Variants in FAT1 observed in about 807,000 individuals in gnomAD.
The protein encoded by FAT1 is FAT atypical cadherin 1.
Under a neutral mutation model 329.8 loss-of-function variants are expected in FAT1, and 171 were observed. The ratio of observed to expected loss-of-function variants is 0.52; its 90% CI spans 0.46 to 0.59. FAT1 has a LOEUF of 0.59. Among genes scored for constraint, FAT1 ranks in the 20% least tolerant of loss-of-function variants. The pLI is 0.00. For synonymous variants in FAT1, 2,233 were observed against 2,228.6 expected (o/e 1.00, Z -0.06); for missense variants, 5,672 against 5,774.4 (o/e 0.98, Z 0.57).
Position 186,663,565 on chromosome 4 carries a change from T to G in FAT1, c.3314A>C (p.Tyr1105Ser). The change falls in exon 3 of 27, where the codon TAT becomes TCT. Residue 1105 changes from tyrosine (Y) to serine (S), a missense_variant. Transcript: ENST00000441802. ...ATCGGTTGCAAAGACTGTTAGCCAA[T>G]AATGGGAGGTCGATTCACGGTCCAG... Reference protein sequence around the residue: ...DRLDRESTSHYWLTVFATDQG... With the variant: ...DRLDRESTSHSWLTVFATDQG... 1 of 1,612,654 alleles carries G rather than the reference T, an allele frequency of 6.2e-7. No homozygotes were observed. The highest frequency in any genetic ancestry group is 8.5e-7 in the Non-Finnish European group (1 of 1,179,876).
rs1248747763 is a variant in FAT1, at chr4:186,595,715, AAGG to A, written c.13109_13111del (p.Ser4370del). On this transcript the variant is annotated inframe_deletion, in exon 26 of 27. Transcript: ENST00000441802. ...ATTGTCATCGCACGATTCGGACTGG[AAGG>A]AGCTCAGAGACTGCACTTCAGACAG... The A allele has an allele frequency of 1.9e-6, 3 of 1,613,840 alleles. No homozygotes were observed. Among genetic ancestry groups the A allele is most frequent in the Non-Finnish European group, 2.5e-6 (3 of 1,179,888 alleles).
At chr4:186,683,760 G>A (rs572116173) in intron 2 of FAT1, among the ~76,000 whole-genome samples, 1 of 152,104 alleles carries the variant, frequency 6.6e-6, no homozygotes, top group African/African-American at 2.4e-5. Context: ...GACCCATCAA[G>A]GATCACCAGA....
intron 26 of FAT1, among the ~76,000 whole-genome samples, chr4:186,590,899 C>T (rs1323858687): frequency 6.6e-6 from 1 of 152,204 alleles, no homozygotes; most frequent in Admixed American, 6.5e-5. Flanking sequence ...GACAGATGTA[C>T]AAGCTGAAGA....
At chr4:186,678,296 C>T (rs1340653052) in intron 2 of FAT1, among the ~76,000 whole-genome samples, 3 of 151,700 alleles carry the variant, frequency 2.0e-5, no homozygotes, top group South Asian at 2.1e-4. Context: ...ATATACGTAT[C>T]GGAGAAGATA....
chr4:186,622,025 T>C (rs1740072559), intron 9 of FAT1, among the ~76,000 whole-genome samples: 3 of 152,332 alleles, frequency 2.0e-5, no homozygotes, highest in African/African-American at 7.2e-5. Context: ...ACTCTGCTCT[T>C]AGCGAAGCCA....
rs2126456424 is a variant in FAT1, at chr4:186,609,182, C to T, written c.10206+1G>A. On this transcript the variant is annotated splice_donor_variant, in intron 16 of 26. Transcript: ENST00000441802. LOFTEE classifies it high-confidence loss of function. The stretch of plus-strand genomic sequence containing the variant: ...AACGTAAATCAACCTTTTTCACTTA[C>T]CGTTTCTCGGTCGAGAAGTTTGGTC... The T allele has an allele frequency of 6.2e-7, 1 of 1,610,518 alleles. No homozygotes were observed. Among genetic ancestry groups the T allele is most frequent in the Non-Finnish European group, 8.5e-7 (1 of 1,178,858 alleles).
chr4:186,718,679 T>A (rs1745331130), intron 1 of FAT1, among the ~76,000 whole-genome samples: 1 of 152,006 alleles, frequency 6.6e-6, no homozygotes, highest in Admixed American at 6.6e-5. Flanking sequence ...AAAAATAAAA[T>A]AAAATAAAAT....
In FAT1 at chr4:186,611,392, T is replaced by C. The variant is rs1739434052; in HGVS notation, c.9847A>G (p.Lys3283Glu). Reference sequence around the variant, plus strand: ...CAGATACATGGTAGGTTACCTGTTTTAGAATCTATGCTGAATTTCCCATGT... The same window carrying C: ...CAGATACATGGTAGGTTACCTGTTTCAGAATCTATGCTGAATTTCCCATGT... ...NEHGKFSIDSKTGAVFIIENL... is the reference protein window; with the variant it reads ...NEHGKFSIDSETGAVFIIENL... The change falls in exon 14 of 27, where the codon AAA becomes GAA. Residue 3283 changes from lysine (K) to glutamate (E), a missense_variant. Around this residue, in one of 2 missense-constraint regions of FAT1, gnomAD observed 1,706 missense variants for 1,859.1 expected, o/e 0.92. Coordinates refer to ENST00000441802, the MANE Select transcript of FAT1 (RefSeq NM_005245.4). 6.2e-7 allele frequency: 1 copy of C among 1,608,522 alleles called. No homozygotes were observed. Among genetic ancestry groups the C allele is most frequent in the South Asian group, 1.1e-5 (1 of 90,012 alleles).
Position 186,606,230 on chromosome 4 carries a change from C to CAGAACA in FAT1, c.10207-18_10207-17insTGTTCT, listed in dbSNP as rs766623888. The CAGAACA allele has an allele frequency of 6.2e-7, 1 of 1,612,628 alleles. No homozygotes were observed. Among genetic ancestry groups the CAGAACA allele is most frequent in the South Asian group, 1.1e-5 (1 of 90,858 alleles). ...ACCTGAAATCTTTTCAGGCAAAAGA[C>CAGAACA]AGAATGCACGTTCATTTTCACAAGG... is the stretch of plus-strand genomic sequence containing the variant. On this transcript the variant is annotated splice_polypyrimidine_tract_variant and intron_variant, in intron 16 of 26. Transcript: ENST00000441802.
At chr4:186,601,686 G>T in intron 20 of FAT1, 1 of 305,348 alleles carries the variant, frequency 3.3e-6, no homozygotes, top group Non-Finnish European at 6.0e-6. Context: ...ATATAAAAAT[G>T]TTCAGTATAA....
intron 26 of FAT1, 52 bp downstream of exon 26, chr4:186,595,637 A>G: frequency 6.2e-7 from 1 of 1,603,934 alleles, no homozygotes; most frequent in Admixed American, 1.7e-5. Flanking sequence ...GAGATAACAC[A>G]GTAACACAAC....
At chr4:186,650,861 G>C (rs1741605012) in intron 3 of FAT1, among the ~76,000 whole-genome samples, 1 of 152,068 alleles carries the variant, frequency 6.6e-6, no homozygotes, top group South Asian at 2.1e-4. Context: ...TGTTGAAAGA[G>C]AGCTTGCTCT....
chr4:186,721,586 T>A (rs1745471667), intron 1 of FAT1, among the ~76,000 whole-genome samples: 1 of 152,254 alleles, frequency 6.6e-6, no homozygotes, highest in African/African-American at 2.4e-5. Context: ...CTACAAATTA[T>A]GCCACTGAGA....
Position 186,616,972 on chromosome 4 carries a change from A to G in FAT1, c.9075+33T>C, listed in dbSNP as rs200084631. On this transcript the variant is annotated intron_variant, in intron 11 of 26. Coordinates refer to ENST00000441802, the MANE Select transcript of FAT1 (RefSeq NM_005245.4). ...TGAAAGAATTAAGAAATTGAAATTCATAACACACAAATGTAAGGGAAGAGC... is the reference window on the plus strand; with the variant it reads ...TGAAAGAATTAAGAAATTGAAATTCGTAACACACAAATGTAAGGGAAGAGC... 580 of 1,575,142 alleles carry G rather than the reference A, an allele frequency of 3.7e-4. 3 individuals carry two copies. The African/African-American group carries it at 7.2e-3, about 20-fold the overall frequency.
rs554304274 is a variant in FAT1, at chr4:186,614,555, C to G, written c.9076-211G>C. Among the ~76,000 whole-genome samples the G allele has an allele frequency of 5.9e-5, 9 of 152,276 alleles. No homozygotes were observed. In the East Asian group the frequency reaches 1.7e-3, roughly 29 times the overall value. The stretch of plus-strand genomic sequence containing the variant: ...AGGAGCCGTGGAGCAGCCACCAGCT[C>G]CACATCCCTGAAAGAGCCTGGCCTG... On this transcript the variant is annotated intron_variant, in intron 11 of 26. Transcript: ENST00000441802.
chr4:186,683,118 C>T (rs1489848242), intron 2 of FAT1, among the ~76,000 whole-genome samples: 1 of 152,158 alleles, frequency 6.6e-6, no homozygotes, highest in East Asian at 1.9e-4. Context: ...CTATTATTCC[C>T]TCTGATTAAA....
At chr4:186,629,543 C>T (rs10008621) in intron 7 of FAT1, among the ~76,000 whole-genome samples, 21,000 of 152,210 alleles carry the variant, frequency 0.14, 1,617 homozygotes, top group East Asian at 0.34. Flanking sequence ...GCGGAAATCA[C>T]TGCCAATTAT....
intron 3 of FAT1, among the ~76,000 whole-genome samples, chr4:186,647,112 C>T (rs1741421347): frequency 1.3e-5 from 2 of 152,190 alleles, no homozygotes; most frequent in South Asian, 4.1e-4. Context: ...CCATGAGAGA[C>T]ATATACGAAA....
Position 186,677,707 on chromosome 4 carries a change from A to G in FAT1, c.3266-14094T>C, listed in dbSNP as rs907312666. Among the ~76,000 whole-genome samples the G allele has an allele frequency of 2.0e-5, 3 of 152,234 alleles. No individual in the cohort carries two copies. In the East Asian group the frequency reaches 5.8e-4, roughly 29 times the overall value. ...TTTCTTAGTGGTAACTGTGGGGCAGACAAATGAAGTATTTAATATGCACTA... is the reference window on the plus strand; with the variant it reads ...TTTCTTAGTGGTAACTGTGGGGCAGGCAAATGAAGTATTTAATATGCACTA... On this transcript the variant is annotated intron_variant, in intron 2 of 26. Transcript: ENST00000441802.
Sources: allele counts gnomAD v4.1 joint callset (sites outside exome capture counted in the v4.1 genomes callset), GRCh38; gene constraint gnomAD v4.1.1; regional missense constraint gnomAD v4.1.1; transcripts MANE v1.5; gene names NCBI Gene and HGNC (gene_info 2026-07-23, HGNC 2026-07-21).